IKBKB-DT: variants seen among roughly 807,000 people sequenced by gnomAD.
IKBKB-DT encodes IKBKB antisense RNA.
chr8:42,252,323 A>G (rs1009477042), intron 3 of IKBKB-DT, among the ~76,000 whole-genome samples: 107 of 152,244 alleles, frequency 7.0e-4, no homozygotes, highest in African/African-American at 2.5e-3. Flanking sequence ...GAACCGGATG[A>G]CCCACTCAGG....
intron 3 of IKBKB-DT, among the ~76,000 whole-genome samples, chr8:42,256,405 T>G (rs897675617): frequency 1.8e-5 from 2 of 110,044 alleles, no homozygotes; most frequent in African/African-American, 7.6e-5. Context: ...CTACCAAAAA[T>G]ACAAAAAAAA....
intron 3 of IKBKB-DT, among the ~76,000 whole-genome samples, chr8:42,237,849 C>T (rs1024526853): frequency 6.6e-6 from 1 of 151,616 alleles, no homozygotes; most frequent in Non-Finnish European, 1.5e-5. Context: ...CAGAGTAAGA[C>T]CCCCTCTCCA....
chr8:42,244,944 C>T (rs1235859034), intron 3 of IKBKB-DT, among the ~76,000 whole-genome samples: 1 of 152,126 alleles, frequency 6.6e-6, no homozygotes, highest in Non-Finnish European at 1.5e-5. Context: ...GCTTTTGGGC[C>T]CTTTCTTTAG....
At chr8:42,254,082 C>T (rs907819438) in intron 3 of IKBKB-DT, among the ~76,000 whole-genome samples, 3 of 152,154 alleles carry the variant, frequency 2.0e-5, no homozygotes, top group African/African-American at 7.2e-5. Flanking sequence ...TTCTTTATTA[C>T]GGCTAGCAGA....
At chr8:42,267,032 G>T (rs536920913) in intron 1 of IKBKB-DT, among the ~76,000 whole-genome samples, 134 of 136,360 alleles carry the variant, frequency 9.8e-4, no homozygotes, top group African/African-American at 2.8e-3. Context: ...GTGGAGTCTC[G>T]CTCTGTCGCC....
chr8:42,237,108 A>G (rs1358352878), intron 3 of IKBKB-DT, among the ~76,000 whole-genome samples: 1 of 150,178 alleles, frequency 6.7e-6, no homozygotes, highest in Non-Finnish European at 1.5e-5. Flanking sequence ...TTTGTTTTTG[A>G]GATGGAGTCT....
chr8:42,252,671 T>C (rs976185574), intron 3 of IKBKB-DT, among the ~76,000 whole-genome samples: 1 of 152,216 alleles, frequency 6.6e-6, no homozygotes, highest in Non-Finnish European at 1.5e-5. Flanking sequence ...CCAGCCAAGA[T>C]AGATTTTTAA....
chr8:42,260,736 C>A (rs1807274742), intron 3 of IKBKB-DT, among the ~76,000 whole-genome samples: 1 of 150,304 alleles, frequency 6.7e-6, no homozygotes, highest in African/African-American at 2.4e-5. Flanking sequence ...GGGACAAACA[C>A]TAAGTATTCT....
chr8:42,243,078 G>A (rs1807023891), intron 3 of IKBKB-DT, among the ~76,000 whole-genome samples: 1 of 152,188 alleles, frequency 6.6e-6, no homozygotes, highest in Non-Finnish European at 1.5e-5. Flanking sequence ...AAAAGGCAGG[G>A]GAGGAGGTGA....
intron 3 of IKBKB-DT, among the ~76,000 whole-genome samples, chr8:42,260,367 A>T (rs954597402): frequency 2.0e-5 from 3 of 151,754 alleles, no homozygotes; most frequent in African/African-American, 4.8e-5. Flanking sequence ...GAGCTCCTTT[A>T]AAAAAAAGCC....
At chr8:42,255,120 G>A (rs762287383) in intron 3 of IKBKB-DT, among the ~76,000 whole-genome samples, 2 of 150,722 alleles carry the variant, frequency 1.3e-5, no homozygotes, top group East Asian at 2.0e-4. Flanking sequence ...ACCTCTGCCC[G>A]GCCACCCCAT....
intron 3 of IKBKB-DT, among the ~76,000 whole-genome samples, chr8:42,260,784 T>G (rs1359512686): frequency 6.6e-6 from 1 of 152,172 alleles, no homozygotes; most frequent in Non-Finnish European, 1.5e-5. Context: ...GTTTTTTTCC[T>G]TTTTCTTTTA....
chr8:42,266,629 G>A (rs1807372710), intron 1 of IKBKB-DT, among the ~76,000 whole-genome samples: 1 of 152,184 alleles, frequency 6.6e-6, no homozygotes, highest in African/African-American at 2.4e-5. Flanking sequence ...ATTCCCAGAT[G>A]GTTAAGGCAT....
At chr8:42,242,590 C>T (rs1281571932) in intron 3 of IKBKB-DT, among the ~76,000 whole-genome samples, 2 of 152,128 alleles carry the variant, frequency 1.3e-5, no homozygotes, top group African/African-American at 2.4e-5. Context: ...TATCTTCTGC[C>T]ACCCTGTACA....
Position 42,258,487 on chromosome 8 carries a change from C to T in IKBKB-DT, n.1529+4842G>A, listed in dbSNP as rs544810010. On this transcript the variant is annotated intron_variant and non_coding_transcript_variant, in intron 3 of 3. Coordinates refer to ENST00000518213, the Ensembl canonical transcript of IKBKB-DT. ...TTCTTTCTTTTTTTTTTTTTTGAGACGGAGTCTCACTCTGTCGCCCAGGCT... is the reference window on the plus strand; with the variant it reads ...TTCTTTCTTTTTTTTTTTTTTGAGATGGAGTCTCACTCTGTCGCCCAGGCT... Among the ~76,000 whole-genome samples, 166 of 149,030 alleles carry T rather than the reference C, an allele frequency of 1.1e-3. 2 individuals are homozygous for T. Among genetic ancestry groups the T allele is most frequent in the African/African-American group, 3.5e-3 (142 of 40,570 alleles).
chr8:42,260,397 G>A (rs557159870), intron 3 of IKBKB-DT, among the ~76,000 whole-genome samples: 2 of 152,224 alleles, frequency 1.3e-5, no homozygotes, highest in Admixed American at 6.5e-5. Flanking sequence ...CGGGCGCAGT[G>A]GCTCATGCCT....
intron 1 of IKBKB-DT, among the ~76,000 whole-genome samples, chr8:42,268,534 G>T (rs1807407825): frequency 1.3e-5 from 2 of 151,900 alleles, no homozygotes; most frequent in African/African-American, 4.8e-5. Context: ...GCCTTCCAAA[G>T]TGCTGAGATT....
intron 3 of IKBKB-DT, among the ~76,000 whole-genome samples, chr8:42,258,398 G>A (rs1807235848): frequency 6.6e-6 from 1 of 151,804 alleles, no homozygotes; most frequent in African/African-American, 2.4e-5. Context: ...TCTTGCCTTG[G>A]CCTCTTGAGT....
At chr8:42,239,633 T>TATATATA (rs1806974229) in intron 3 of IKBKB-DT, among the ~76,000 whole-genome samples, 1 of 85,138 alleles carries the variant, frequency 1.2e-5, no homozygotes, top group African/African-American at 4.6e-5. Context: ...TATATATATA[T>TATATATA]ATTTATTTAT....
Sources: gnomAD v4.1 joint callset for allele counts (sites outside exome capture counted in the v4.1 genomes callset) on GRCh38, gnomAD v4.1.1 for gene constraint, MANE v1.5 for transcripts, NCBI Gene and HGNC (gene_info 2026-07-23, HGNC 2026-07-21) for gene names.